ERCC4: variants seen among roughly 807,000 people sequenced by gnomAD.
ERCC4 encodes the protein ERCC excision repair 4, endonuclease catalytic subunit, also known as DNA repair endonuclease XPF.
A neutral mutation model predicts 76.9 loss-of-function variants in ERCC4; 65 were observed. The ratio of observed to expected loss-of-function variants is 0.84; its 90% confidence interval spans 0.69 to 1.04. The LOEUF is 1.04. ERCC4 is among the 50% of genes least tolerant of loss of function. The pLI, the probability that ERCC4 is intolerant of heterozygous loss-of-function variation, is 0.00. For synonymous variants in ERCC4, 463 were observed against 410.1 expected, an observed-to-expected ratio of 1.13 and a Z score of -1.56; for missense variants, 1,214 against 1,128.2, an observed-to-expected ratio of 1.08 and a Z score of -1.09.
Position 13,950,146 on chromosome 16 carries a change from A to G in ERCC4, c.*1799A>G, listed in dbSNP as rs2032603537. ...CGGCTAATTTTTGTATTTTTAGTAG[A>G]GACGGGGTTTCACCATGTTGGCCAG... is the stretch of plus-strand genomic sequence containing the variant. On this transcript the variant is annotated 3_prime_UTR_variant, in exon 11 of 11. Transcript: ENST00000311895. 2 of 185,028 alleles carry G rather than the reference A, an allele frequency of 1.1e-5. No individual in the cohort carries two copies. The highest frequency in any genetic ancestry group is 2.3e-5 in the Non-Finnish European group (2 of 87,462). The allele number at this position is 185,028 out of a possible 1,614,324, so 11.5% of individuals were successfully genotyped here.
intron 1 of ERCC4, among the ~76,000 whole-genome samples, chr16:13,920,853 C>T (rs1025935352): frequency 6.6e-6 from 1 of 150,814 alleles, no homozygotes; most frequent in African/African-American, 2.4e-5. Context: ...TGGAAGGGGT[C>T]CCGAGAAGGA....
intron 9 of ERCC4, among the ~76,000 whole-genome samples, chr16:13,940,913 A>G (rs560581699): frequency 1.1e-4 from 16 of 152,350 alleles, no homozygotes; most frequent in Admixed American, 8.5e-4. Flanking sequence ...CGTTAGAGCC[A>G]GAGGAGCCTG....
At chr16:13,947,395 A>G (rs2032534605) in intron 10 of ERCC4, among the ~76,000 whole-genome samples, 1 of 152,222 alleles carries the variant, frequency 6.6e-6, no homozygotes, top group South Asian at 2.1e-4. Context: ...GGAACTACTG[A>G]CAGTCTAACT....
At chr16:13,933,215 G>A (rs2032218097) in intron 6 of ERCC4, 1 of 164,662 alleles carries the variant, frequency 6.1e-6, no homozygotes, top group African/African-American at 2.4e-5. Context: ...GTACGACTGT[G>A]TCTCAAAACT....
chr16:13,930,582 T>C, intron 4 of ERCC4, 128 bp from the exon 5 acceptor site: 1 of 691,652 alleles, frequency 1.4e-6, no homozygotes, highest in Non-Finnish European at 2.5e-6. Flanking sequence ...AAAATATATA[T>C]GACATAAAAT....
chr16:13,921,617 C>G (rs1405138072), intron 1 of ERCC4, among the ~76,000 whole-genome samples: 1 of 152,192 alleles, frequency 6.6e-6, no homozygotes, highest in African/African-American at 2.4e-5. Context: ...GATAGATTAG[C>G]ACAGAACTGA....
intron 9 of ERCC4, among the ~76,000 whole-genome samples, chr16:13,939,104 T>C (rs1367074366): frequency 6.6e-6 from 1 of 152,198 alleles, no homozygotes; most frequent in Non-Finnish European, 1.5e-5. Flanking sequence ...TGGGTATATA[T>C]ATTTTTCAAA....
intron 9 of ERCC4, among the ~76,000 whole-genome samples, chr16:13,942,462 A>G (rs1386288435): frequency 1.3e-5 from 2 of 152,266 alleles, no homozygotes; most frequent in African/African-American, 4.8e-5. Context: ...GGATAATTAG[A>G]CGAAGAGATT....
intron 9 of ERCC4, among the ~76,000 whole-genome samples, chr16:13,938,315 C>G (rs1271976828): frequency 6.6e-6 from 1 of 152,160 alleles, no homozygotes; most frequent in Non-Finnish European, 1.5e-5. Flanking sequence ...AATAGAATCA[C>G]TCTGGGAAAA....
intron 4 of ERCC4, among the ~76,000 whole-genome samples, chr16:13,929,552 C>T (rs2032133089): frequency 6.6e-6 from 1 of 152,066 alleles, no homozygotes; most frequent in Non-Finnish European, 1.5e-5. Flanking sequence ...AATTCTGTAC[C>T]TAAAAAGTAA....
chr16:13,946,566 G>A (rs2032517432), intron 10 of ERCC4, among the ~76,000 whole-genome samples: 1 of 152,182 alleles, frequency 6.6e-6, no homozygotes, highest in Non-Finnish European at 1.5e-5. Flanking sequence ...GTATTAATAG[G>A]TTGCAGGGAT....
In ERCC4 at chr16:13,928,037, A is replaced by G; in HGVS notation, c.594A>G (p.Val198=). The part of the protein sequence containing the change: ...RKLYLWPRFH[V]AVNSFLEQHK... ...ATATTTGTCTCTTTAGGTTCCATGT[A>G]GCAGTAAACTCATTTTTAGAACAGC... Residue 198 remains valine (V), a synonymous_variant, in exon 4 of 11, where the codon GTA becomes GTG. Transcript: ENST00000311895. The G allele has an allele frequency of 6.2e-7, 1 of 1,611,808 alleles. No individual in the cohort carries two copies. Among genetic ancestry groups the G allele is most frequent in the Non-Finnish European group, 8.5e-7 (1 of 1,178,270 alleles).
rs1415464208 is a variant in ERCC4, at chr16:13,927,971, A to G, written c.585-57A>G. 3.1e-6 allele frequency: 4 copies of G among 1,306,532 alleles called. No homozygotes were observed. In the African/African-American group the frequency reaches 4.3e-5, roughly 14 times the overall value. The allele number at this position is 1,306,532 out of a possible 1,614,324, so 80.9% of individuals were successfully genotyped here. A position where few individuals can be genotyped will look rare whatever the true frequency, so the allele number is the denominator to read the frequency against. ...AAAAATGGGGTGTTAAACCAAGACC[A>G]GAAATACATAGCTGCTGAAACTCTA... is the stretch of plus-strand genomic sequence containing the variant. On this transcript the variant is annotated intron_variant, in intron 3 of 10. Coordinates refer to ENST00000311895, the MANE Select transcript of ERCC4 (RefSeq NM_005236.3).
chr16:13,948,198 C>T lies in ERCC4; in HGVS notation c.2602C>T (p.His868Tyr), dbSNP rs548842693. ...TGCCAAAAACTGCCGCTCCTTGATGCACCACGTTAAGAACATCGCAGAATT... is the reference window on the plus strand; with the variant it reads ...TGCCAAAAACTGCCGCTCCTTGATGTACCACGTTAAGAACATCGCAGAATT... ...VNAKNCRSLM[H>Y]HVKNIAELAA... Residue 868 changes from histidine (H) to tyrosine (Y), a missense_variant, in exon 11 of 11, where the codon CAC becomes TAC. His to Tyr is a moderately conservative substitution (Grantham distance 83, BLOSUM62 2). Transcript: ENST00000311895. The T allele has an allele frequency of 1.2e-6, 2 of 1,614,164 alleles. No homozygotes were observed. Among genetic ancestry groups the T allele is most frequent in the South Asian group, 2.2e-5 (2 of 91,086 alleles).
chr16:13,934,559 C>G (rs2032245919), intron 7 of ERCC4: 1 of 438,164 alleles, frequency 2.3e-6, no homozygotes, highest in African/African-American at 2.0e-5. Flanking sequence ...TTCATGAAAG[C>G]AGGTTTTTAA....
At position 13,947,700 on chromosome 16, in the gene ERCC4, C is replaced by T. The variant is rs1180030515; in HGVS notation, c.2104C>T (p.Arg702Trp). ...TGAGCTTCCATCTCTGATCCATCGT[C>T]GGGGCATTGACATTGAACCCGTGAC... ...RSELPSLIHR[R>W]GIDIEPVTLE... Residue 702 changes from arginine (R) to tryptophan (W), a missense_variant, in exon 11 of 11, where the codon CGG (arginine) becomes TGG (tryptophan). By Grantham distance (101) the Arg-to-Trp change is moderately radical. Transcript: ENST00000311895. The T allele has an allele frequency of 5.0e-6, 8 of 1,614,180 alleles. No individual in the cohort carries two copies. The highest frequency in any genetic ancestry group is 6.8e-6 in the Non-Finnish European group (8 of 1,180,020).
At chr16:13,920,819 A>C (rs1031357937) in intron 1 of ERCC4, among the ~76,000 whole-genome samples, 4 of 151,946 alleles carry the variant, frequency 2.6e-5, no homozygotes, top group African/African-American at 9.7e-5. Context: ...GGTCCCTGAC[A>C]CTGTGCAGGC....
intron 8 of ERCC4, 110 bp downstream of exon 8, chr16:13,935,853 A>G: frequency 1.1e-6 from 1 of 884,314 alleles, no homozygotes; most frequent in South Asian, 1.3e-5. Context: ...GATGCTGCTT[A>G]TGTTTATGAA....
chr16:13,944,342 A>G (rs940935128), intron 9 of ERCC4, among the ~76,000 whole-genome samples: 3 of 152,188 alleles, frequency 2.0e-5, no homozygotes, highest in Non-Finnish European at 4.4e-5. Context: ...ATGTTTGAAT[A>G]TAAATGATTT....
Sources: gnomAD v4.1 joint callset for allele counts (sites outside exome capture counted in the v4.1 genomes callset) on GRCh38, gnomAD v4.1.1 for gene constraint, MANE v1.5 for transcripts, NCBI Gene and HGNC (gene_info 2026-07-23, HGNC 2026-07-21) for gene names.